PCSK7: variants seen among roughly 807,000 people sequenced by gnomAD.
PCSK7 encodes the protein lymphoma proprotein convertase.
PCSK7 carries 38 observed loss-of-function variants against 73.3 expected under a neutral mutation model. That is an observed-to-expected ratio of 0.52 (90% CI 0.40 to 0.68). The LOEUF (loss-of-function observed/expected upper bound fraction) is 0.68, where lower values mean the gene tolerates loss of function less well. PCSK7 is among the 30% of genes least tolerant of loss of function. The pLI, the probability that PCSK7 is intolerant of heterozygous loss-of-function variation, is 0.00. For missense variants in PCSK7, 692 were observed against 991.5 expected (o/e 0.70, Z 4.06); for synonymous variants, 296 against 383.8 (o/e 0.77, Z 2.68).
At chr11:117,213,964 T>TTG (rs2031849887) in intron 12 of PCSK7, 1 of 131,218 alleles carries the variant, frequency 7.6e-6, no homozygotes, top group South Asian at 2.5e-4. Context: ...TTCTTTTTTT[T>TTG]TTTTTTTTTT....
intron 12 of PCSK7, chr11:117,210,470 T>C (rs2031678783): frequency 6.6e-6 from 1 of 151,878 alleles, no homozygotes; most frequent in Non-Finnish European, 1.5e-5. Context: ...GCGATTCTCC[T>C]GCCTCAGCTT....
At position 117,204,353 on chromosome 11, in the gene PCSK7, C is replaced by T. The variant is rs1591781414; in HGVS notation, c.*1644G>A. The T allele has an allele frequency of 2.5e-5, 40 of 1,614,242 alleles. No individual in the cohort carries two copies. The highest frequency in any genetic ancestry group is 3.4e-5 in the Non-Finnish European group (40 of 1,180,044). On this transcript the variant is annotated 3_prime_UTR_variant, in exon 17 of 17. Transcript: ENST00000320934. ...GCTACGGACGACCTCGGCAGATCAT[C>T]AGTTAGAGCGGAGAGGGCTAGCCCT...
rs970156080 is a variant in PCSK7, at chr11:117,204,636, C to T, written c.*1361G>A. On this transcript the variant is annotated 3_prime_UTR_variant, in exon 17 of 17. Transcript: ENST00000320934. Reference sequence around the variant, plus strand: ...CTCCCTGGGCTAAGCAGGGGAGAAGCGGGCTGGGGGTAGCCTGGATGTGGG... The same window carrying T: ...CTCCCTGGGCTAAGCAGGGGAGAAGTGGGCTGGGGGTAGCCTGGATGTGGG... The T allele has an allele frequency of 2.7e-5, 14 of 526,988 alleles. No homozygotes were observed. Among genetic ancestry groups the T allele is most frequent in the South Asian group, 1.5e-4 (8 of 53,840 alleles). The allele number at this position is 526,988 out of a possible 1,614,324, so 32.6% of individuals were successfully genotyped here.
At position 117,223,094 on chromosome 11, in the gene PCSK7, A is replaced by T. The variant is rs547938923; in HGVS notation, c.1155+114T>A. ...AAGACATCCAGCTCTGTGGGGGAAGAGGAGCCTGAGTGTTGGGGCGGGGAA... is the reference window on the plus strand; with the variant it reads ...AAGACATCCAGCTCTGTGGGGGAAGTGGAGCCTGAGTGTTGGGGCGGGGAA... On this transcript the variant is annotated intron_variant, in intron 9 of 16. Transcript: ENST00000320934. 6.8e-6 allele frequency: 5 copies of T among 732,176 alleles called. No individual in the cohort carries two copies. In the South Asian group the frequency reaches 7.7e-5, roughly 11 times the overall value. The allele number at this position is 732,176 out of a possible 1,614,324, so 45.4% of individuals were successfully genotyped here. A position where few individuals can be genotyped will look rare whatever the true frequency, so the allele number is the denominator to read the frequency against.
chr11:117,213,140 C>T (rs2031807062), intron 12 of PCSK7: 1 of 152,220 alleles, frequency 6.6e-6, no homozygotes, highest in South Asian at 2.1e-4. Context: ...GCCTATAAAC[C>T]TCACTGTCTT....
intron 9 of PCSK7, chr11:117,221,460 C>A (rs1275274504): frequency 2.0e-5 from 3 of 152,260 alleles, no homozygotes; most frequent in Non-Finnish European, 2.9e-5. Flanking sequence ...TCCAGAGAAG[C>A]TTTGCTTCCC....
intron 12 of PCSK7, chr11:117,216,558 G>A (rs915341088): frequency 2.0e-5 from 3 of 149,930 alleles, no homozygotes; most frequent in African/African-American, 7.4e-5. Context: ...AGCCTCCCAA[G>A]TAGCTGGGAC....
chr11:117,228,765 C>T (rs979279421), intron 3 of PCSK7, among the ~76,000 whole-genome samples: 3 of 152,036 alleles, frequency 2.0e-5, no homozygotes, highest in African/African-American at 7.2e-5. Context: ...CGACTACAGG[C>T]GCCTGCCACC....
Position 117,206,200 on chromosome 11 carries a change from C to G in PCSK7, c.2155G>C (p.Glu719Gln), listed in dbSNP as rs1214410070. 6.2e-7 allele frequency: 1 copy of G among 1,614,018 alleles called. No homozygotes were observed. Among genetic ancestry groups the G allele is most frequent in the East Asian group, 2.2e-5 (1 of 44,884 alleles). The change falls in exon 17 of 17, where the codon GAG becomes CAG. Residue 719 changes from glutamate (E) to glutamine (Q), a missense_variant. Physicochemically the swap from Glu to Gln is conservative, Grantham distance 29 (BLOSUM62 2). Transcript: ENST00000320934. Reference sequence around the variant, plus strand: ...CTGCAAAGTGGCACTGATTCTAGCTCTGTCCCTTCCTCCTTGGCTTTCCGG... The same window carrying G: ...CTGCAAAGTGGCACTGATTCTAGCTGTGTCCCTTCCTCCTTGGCTTTCCGG... The part of the protein sequence containing the change: ...RSRKAKEEGT[E>Q]LESVPLCSSK...
chr11:117,219,902 C>G (rs533505809), intron 9 of PCSK7, 144 bp from the exon 10 acceptor site: 2 of 536,614 alleles, frequency 3.7e-6, no homozygotes, highest in African/African-American at 2.0e-5. Flanking sequence ...CCACTGCACT[C>G]CAGCCTAGGT....
At chr11:117,214,600 T>G (rs2031883979) in intron 12 of PCSK7, 1 of 152,154 alleles carries the variant, frequency 6.6e-6, no homozygotes, top group Admixed American at 6.5e-5. Flanking sequence ...TTAAAAAGGA[T>G]GAACTCTGAA....
rs185154961 is a variant in PCSK7, at chr11:117,218,838, A to G, written c.1431+219T>C. ...TGAGTCCCACACATACTCAGGTCCCATTTACTCTATTAGTAGTTTGGAAAC... is the reference window on the plus strand; with the variant it reads ...TGAGTCCCACACATACTCAGGTCCCGTTTACTCTATTAGTAGTTTGGAAAC... On this transcript the variant is annotated intron_variant, in intron 11 of 16. Transcript: ENST00000320934. The surrounding 1 kb of genome is among the most constrained non-coding windows in gnomAD (Gnocchi z 4.0). The G allele has an allele frequency of 1.4e-5, 8 of 580,432 alleles. No homozygotes were observed. The Admixed American group carries it at 2.4e-4, about 18-fold the overall frequency. The allele number at this position is 580,432 out of a possible 1,614,324, so 36.0% of individuals were successfully genotyped here.
intron 12 of PCSK7, chr11:117,215,364 T>TTTTTTTTTTTTGTGTGTGTGTGTGTG (rs57433360): frequency 3.5e-5 from 3 of 84,920 alleles, no homozygotes; most frequent in African/African-American, 2.3e-4. Flanking sequence ...CCTGGCTAAT[T>TTTTTTTTTTTTGTGTGTGTGTGTGTG]TGTGTGTGTG....
At chr11:117,226,986 C>A (rs1392423071) in intron 5 of PCSK7, 171 bp downstream of exon 5, 2 of 520,680 alleles carry the variant, frequency 3.8e-6, no homozygotes, top group African/African-American at 4.0e-5. Context: ...ACTGAAAAAT[C>A]AATGAGCTGA....
At position 117,228,490 on chromosome 11, in the gene PCSK7, C is replaced by G; in HGVS notation, c.469-140G>C. On this transcript the variant is annotated intron_variant, in intron 3 of 16. Coordinates refer to ENST00000320934, the MANE Select transcript of PCSK7 (RefSeq NM_004716.4). The stretch of plus-strand genomic sequence containing the variant: ...TGCAGACCAATAGGTCAGGTGGGAA[C>G]AGAGTCAAGGAGGAGCAGGTGAGAG... 5.7e-6 allele frequency: 4 copies of G among 697,678 alleles called. No homozygotes were observed. The South Asian group carries it at 6.9e-5, about 12-fold the overall frequency. 43.2% of individuals were successfully genotyped at this position (697,678 alleles called of 1,614,324 possible).
At chr11:117,215,376 G>GTATATATATA (rs1565307905) in intron 12 of PCSK7, 2 of 66,532 alleles carry the variant, frequency 3.0e-5, no homozygotes, top group African/African-American at 2.2e-4. Flanking sequence ...GTGTGTGTGT[G>GTATATATATA]TGTGTATATA....
chr11:117,226,141 CT>C (rs11419279), intron 5 of PCSK7, 120 bp from the exon 6 acceptor site: 81,815 of 540,650 alleles, frequency 0.15, 2 homozygotes, highest in East Asian at 0.18. Flanking sequence ...GTACATTTTG[CT>C]TTTTTTTTTT....
At chr11:117,214,699 T>C (rs958228001) in intron 12 of PCSK7, 4 of 152,118 alleles carry the variant, frequency 2.6e-5, no homozygotes, top group Non-Finnish European at 5.9e-5. Context: ...AGGGGAGAAA[T>C]TGCTTCAGTT....
At chr11:117,230,801 C>T (rs1686772537) in intron 1 of PCSK7, among the ~76,000 whole-genome samples, 1 of 152,058 alleles carries the variant, frequency 6.6e-6, no homozygotes, top group African/African-American at 2.4e-5. Flanking sequence ...TTGTATATCC[C>T]AGAAGGATAC....
Sources: gnomAD v4.1 joint callset for allele counts (sites outside exome capture counted in the v4.1 genomes callset) on GRCh38, gnomAD v4.1.1 for gene constraint, Gnocchi (gnomAD v3.1) non-coding constraint, MANE v1.5 for transcripts, NCBI Gene and HGNC (gene_info 2026-07-23, HGNC 2026-07-21) for gene names.